Variants in DLGAP1 observed in about 807,000 individuals in gnomAD.
DLGAP1 encodes the protein disks large-associated protein 1.
DLGAP1 carries 11 observed loss-of-function variants against 90.8 expected under a neutral mutation model. The observed-to-expected ratio is 0.12, with a 90% CI of 0.08 to 0.20. DLGAP1 has a LOEUF of 0.20. DLGAP1 is among the 10% of genes least tolerant of loss of function. The pLI is 1.00. For synonymous variants in DLGAP1, 558 were observed against 540.7 expected (o/e 1.03, Z -0.44); for missense variants, 1,050 against 1,333.8 (o/e 0.79, Z 3.31).
chr18:4,126,019 C>A (rs141173257), intron 2 of DLGAP1, among the ~76,000 whole-genome samples: 231 of 152,250 alleles, frequency 1.5e-3, no homozygotes, highest in African/African-American at 5.2e-3. Context: ...TTCAGGCTTC[C>A]CCTTTACTTT....
chr18:3,521,171 C>A (rs1227929393), intron 10 of DLGAP1, among the ~76,000 whole-genome samples: 1 of 152,232 alleles, frequency 6.6e-6, no homozygotes, highest in African/African-American at 2.4e-5. Flanking sequence ...CTCCCCAAAT[C>A]TGTGTTCCCC....
At chr18:3,506,247 C>T (rs2050208523) in intron 11 of DLGAP1, among the ~76,000 whole-genome samples, 1 of 150,278 alleles carries the variant, frequency 6.7e-6, no homozygotes, top group Admixed American at 6.6e-5. Context: ...GGCATGGTGG[C>T]TCACGCCTGT....
At chr18:3,805,718 T>A (rs1300228871) in intron 5 of DLGAP1, among the ~76,000 whole-genome samples, 1 of 152,254 alleles carries the variant, frequency 6.6e-6, no homozygotes, top group Non-Finnish European at 1.5e-5. Context: ...AGTCTTAGAC[T>A]CTTTAGGCTG....
intron 7 of DLGAP1, among the ~76,000 whole-genome samples, chr18:3,586,956 G>C (rs564840899): frequency 3.3e-5 from 5 of 152,312 alleles, no homozygotes; most frequent in Non-Finnish European, 5.9e-5. Context: ...CAGCCAATAT[G>C]TTTGTCTTGC....
intron 1 of DLGAP1, among the ~76,000 whole-genome samples, chr18:4,258,688 C>T (rs548139706): frequency 6.6e-6 from 1 of 152,188 alleles, no homozygotes. Context: ...TAATTGATTT[C>T]ATTTCAATAG....
At chr18:3,845,695 T>C in intron 4 of DLGAP1, 1 of 754,892 alleles carries the variant, frequency 1.3e-6, no homozygotes, top group Non-Finnish European at 1.6e-6. Context: ...GAAGTCCCCA[T>C]CAGGGAACGA....
At chr18:4,157,661 G>C (rs1405408530) in intron 1 of DLGAP1, among the ~76,000 whole-genome samples, 1 of 152,168 alleles carries the variant, frequency 6.6e-6, no homozygotes, top group African/African-American at 2.4e-5. Flanking sequence ...AGCATCAAGG[G>C]AGCAGGGGCT....
chr18:4,376,365 G>A (rs1024756979), intron 1 of DLGAP1, among the ~76,000 whole-genome samples: 28 of 152,206 alleles, frequency 1.8e-4, no homozygotes, highest in Admixed American at 3.9e-4. Flanking sequence ...AACTCCCTTT[G>A]TGGAATCCAC....
chr18:3,741,008 C>T (rs866126026), intron 6 of DLGAP1, among the ~76,000 whole-genome samples: 109 of 101,458 alleles, frequency 1.1e-3, no homozygotes, highest in African/African-American at 3.8e-3. Context: ...CTCACCACCA[C>T]CACCACCATC....
At chr18:4,118,006 C>A (rs1273594146) in intron 2 of DLGAP1, among the ~76,000 whole-genome samples, 7 of 151,782 alleles carry the variant, frequency 4.6e-5, no homozygotes, top group African/African-American at 7.3e-5. Context: ...GCCTTCATGA[C>A]CGCCAGGGTT....
At chr18:3,576,826 A>G (rs1420215310) in intron 8 of DLGAP1, among the ~76,000 whole-genome samples, 1 of 150,004 alleles carries the variant, frequency 6.7e-6, no homozygotes, top group African/African-American at 2.5e-5. Flanking sequence ...TTGGCCTCCC[A>G]AAGTGCTGGG....
chr18:3,909,206 C>A (rs1040624484), intron 3 of DLGAP1, among the ~76,000 whole-genome samples: 2 of 152,070 alleles, frequency 1.3e-5, no homozygotes, highest in African/African-American at 2.4e-5. Flanking sequence ...CAGTTGAAAC[C>A]AATTGCTGAA....
intron 1 of DLGAP1, among the ~76,000 whole-genome samples, chr18:4,248,979 T>C (rs1466541035): frequency 1.3e-5 from 2 of 152,222 alleles, no homozygotes; most frequent in African/African-American, 2.4e-5. Context: ...TTGCCTGGAA[T>C]GCTCAGATAC....
intron 10 of DLGAP1, among the ~76,000 whole-genome samples, chr18:3,531,897 C>G (rs546091824): frequency 1.3e-5 from 2 of 152,228 alleles, no homozygotes; most frequent in African/African-American, 4.8e-5. Flanking sequence ...ACTCTGTTGC[C>G]TAGGCTAGAG....
At chr18:3,545,809 G>A (rs114809140) in intron 9 of DLGAP1, among the ~76,000 whole-genome samples, 1,629 of 152,278 alleles carry the variant, frequency 0.011, 31 homozygotes, top group African/African-American at 0.037. Context: ...AGCTGGATTG[G>A]TTGTCTTAAT....
At chr18:4,240,288 T>C (rs1032769148) in intron 1 of DLGAP1, among the ~76,000 whole-genome samples, 1 of 152,166 alleles carries the variant, frequency 6.6e-6, no homozygotes, top group Admixed American at 6.6e-5. Context: ...ATTACATCTA[T>C]ATTTATGCAT....
intron 2 of DLGAP1, among the ~76,000 whole-genome samples, chr18:4,092,002 G>A (rs1313913235): frequency 1.3e-5 from 2 of 152,064 alleles, no homozygotes; most frequent in East Asian, 1.9e-4. Context: ...GTCTGGAAAC[G>A]GCACACTTCT....
At chr18:4,326,861 TAGG>T (rs2080829559) in intron 1 of DLGAP1, among the ~76,000 whole-genome samples, 1 of 151,958 alleles carries the variant, frequency 6.6e-6, no homozygotes, top group Non-Finnish European at 1.5e-5. Flanking sequence ...GGGTGAAGCG[TAGG>T]AGAAGGGAGA....
chr18:3,520,812 C>CCTT (rs1388526008), intron 10 of DLGAP1, among the ~76,000 whole-genome samples: 2 of 152,218 alleles, frequency 1.3e-5, no homozygotes, highest in African/African-American at 4.8e-5. Context: ...GGGCAGCATG[C>CCTT]CTTCGCTCTC....
Sources: allele counts gnomAD v4.1 joint callset (sites outside exome capture counted in the v4.1 genomes callset), GRCh38; gene constraint gnomAD v4.1.1; transcripts MANE v1.5; gene names NCBI Gene and HGNC (gene_info 2026-07-23, HGNC 2026-07-21).